DNAJB6: variants seen among roughly 807,000 people sequenced by gnomAD.
The protein encoded by DNAJB6 is DnaJ heat shock protein family (Hsp40) member B6, also known as dnaJ homolog subfamily B member 6.
A neutral mutation model predicts 42.7 loss-of-function variants in DNAJB6; 16 were observed. The observed-to-expected ratio is 0.37, with a 90% CI of 0.25 to 0.57. DNAJB6 has a LOEUF of 0.57. Ranked by LOEUF, DNAJB6 falls within the 20% of genes least tolerant of loss-of-function variation. The pLI is 0.74. For synonymous variants in DNAJB6, 170 were observed against 163.5 expected (o/e 1.04, Z -0.30); for missense variants, 347 against 416.8 (o/e 0.83, Z 1.46).
intron 5 of DNAJB6, chr7:157,380,209 G>A (rs1584922000): frequency 6.6e-6 from 1 of 152,158 alleles, no homozygotes; most frequent in African/African-American, 2.4e-5. Context: ...TCTTTACCTG[G>A]GAGGATATGT....
At chr7:157,382,163 C>G in intron 5 of DNAJB6, 83 bp from the exon 6 acceptor site, 6 of 1,440,832 alleles carry the variant, frequency 4.2e-6, no homozygotes, top group Non-Finnish European at 5.6e-6. Context: ...TTACAAACAT[C>G]TATTTTCTCT....
intron 2 of DNAJB6, among the ~76,000 whole-genome samples, chr7:157,361,842 C>T (rs1799617835): frequency 6.6e-6 from 1 of 152,216 alleles, no homozygotes; most frequent in South Asian, 2.1e-4. Flanking sequence ...GATGTTGGCT[C>T]ACTGCAACCT....
At chr7:157,352,471 T>A (rs1327854749) in intron 1 of DNAJB6, among the ~76,000 whole-genome samples, 1 of 151,896 alleles carries the variant, frequency 6.6e-6, no homozygotes, top group African/African-American at 2.4e-5. Context: ...TTCAGTTGAA[T>A]GTGGAATGAG....
chr7:157,357,056 T>C (rs941464028), intron 1 of DNAJB6, among the ~76,000 whole-genome samples: 3 of 150,726 alleles, frequency 2.0e-5, no homozygotes, highest in Non-Finnish European at 4.4e-5. Context: ...CCCAGCACTT[T>C]GGGAGGCTGA....
intron 8 of DNAJB6, among the ~76,000 whole-genome samples, chr7:157,394,729 G>T (rs964454448): frequency 1.3e-5 from 2 of 152,082 alleles, no homozygotes; most frequent in African/African-American, 2.4e-5. Flanking sequence ...GGATGGGTGC[G>T]ATTTCCCTCT....
rs115764364 is a variant in DNAJB6 at position 157,399,707 on chromosome 7, C to T, written c.692-10088C>T. On this transcript the variant is annotated intron_variant, in intron 8 of 9. Coordinates refer to ENST00000262177, the MANE Select transcript of DNAJB6 (RefSeq NM_058246.4). ...TTTTGGAGATGGAGTCTCGCCCTGT[C>T]GCCCAAGCTGGAGAGCAATGGCACA... is the stretch of plus-strand genomic sequence containing the variant. Among the ~76,000 whole-genome samples, 706 of 152,146 alleles carry T rather than the reference C, an allele frequency of 4.6e-3. 7 individuals are homozygous for T. Among genetic ancestry groups the T allele is most frequent in the African/African-American group, 0.016 (682 of 41,500 alleles).
chr7:157,374,507 C>T (rs1408260195), intron 5 of DNAJB6, among the ~76,000 whole-genome samples: 5 of 152,298 alleles, frequency 3.3e-5, no homozygotes, highest in East Asian at 3.9e-4. Context: ...GATCCACCCA[C>T]CTCGGCCACC....
intron 9 of DNAJB6, chr7:157,410,374 G>A (rs1795931087): frequency 5.0e-6 from 2 of 403,368 alleles, no homozygotes; most frequent in Non-Finnish European, 8.7e-6. Context: ...CGTGCTGGTG[G>A]GGTCTGCGTT....
chr7:157,404,614 G>A (rs529760722), intron 8 of DNAJB6, among the ~76,000 whole-genome samples: 39 of 151,206 alleles, frequency 2.6e-4, no homozygotes, highest in Admixed American at 9.9e-4. Context: ...AGGCTCAAGC[G>A]ATTCTTATGC....
intron 5 of DNAJB6, chr7:157,368,711 T>G (rs1233122351): frequency 1.3e-5 from 2 of 155,192 alleles, no homozygotes; most frequent in Non-Finnish European, 2.9e-5. Context: ...ACCTGAGAGG[T>G]CAGGATTAAA....
chr7:157,348,644 T>A (rs117053649), intron 1 of DNAJB6, among the ~76,000 whole-genome samples: 42 of 152,286 alleles, frequency 2.8e-4, no homozygotes, highest in African/African-American at 9.9e-4. Flanking sequence ...CCATCTCCCT[T>A]GTAGTTAGAA....
At chr7:157,393,427 T>C (rs969099616) in intron 8 of DNAJB6, among the ~76,000 whole-genome samples, 1 of 152,260 alleles carries the variant, frequency 6.6e-6, no homozygotes, top group African/African-American at 2.4e-5. Flanking sequence ...TACTGTGTGA[T>C]TATGTTTCTG....
intron 8 of DNAJB6, among the ~76,000 whole-genome samples, chr7:157,391,588 G>C (rs1801343746): frequency 6.6e-6 from 1 of 152,224 alleles, no homozygotes; most frequent in South Asian, 2.1e-4. Context: ...GGTCTATCTA[G>C]TGAGTGGCTG....
chr7:157,409,734 C>T (rs1203094292), intron 8 of DNAJB6, 61 bp from the exon 9 acceptor site: 23 of 1,463,188 alleles, frequency 1.6e-5, no homozygotes, highest in Non-Finnish European at 2.0e-5. Flanking sequence ...TCCCTCTGCT[C>T]TGGATGGGGG....
Position 157,409,789 on chromosome 7 carries a change from C to T in DNAJB6, c.692-6C>T, listed in dbSNP as rs1259833520. ...CACGGCTCTCTCTCTCCCGCTGTGC[C>T]TGCAGGTGTGGCCGACGACGATGCC... On this transcript the variant is annotated splice_region_variant and splice_polypyrimidine_tract_variant and intron_variant, in intron 8 of 9. Transcript: ENST00000262177. The T allele has an allele frequency of 3.3e-6, 5 of 1,524,630 alleles. No individual in the cohort carries two copies. In the Admixed American group the frequency reaches 9.9e-5, roughly 30 times the overall value. 94.4% of individuals were successfully genotyped at this position (1,524,630 alleles called of 1,614,324 possible). A position where few individuals can be genotyped will look rare whatever the true frequency, so the allele number is the denominator to read the frequency against.
chr7:157,370,327 CCTT>C (rs1563129340), intron 5 of DNAJB6, among the ~76,000 whole-genome samples: 2 of 151,966 alleles, frequency 1.3e-5, no homozygotes, highest in African/African-American at 2.4e-5. Context: ...TAAACGGGCC[CCTT>C]CTTAACATTA....
chr7:157,410,115 G>A (rs1347875069), intron 9 of DNAJB6, 114 bp downstream of exon 9: 4 of 1,419,518 alleles, frequency 2.8e-6, no homozygotes, highest in South Asian at 3.0e-5. Flanking sequence ...CTGAGCGGGC[G>A]TGGGCGGTCG....
intron 8 of DNAJB6, chr7:157,386,191 TTAAA>T: frequency 2.1e-6 from 2 of 973,472 alleles, no homozygotes; most frequent in Non-Finnish European, 2.4e-6. Flanking sequence ...TGACAATTGT[TTAAA>T]TATGTAATGT....
At chr7:157,344,349 C>CAA (rs940085123) in intron 1 of DNAJB6, among the ~76,000 whole-genome samples, 7 of 122,056 alleles carry the variant, frequency 5.7e-5, no homozygotes, top group East Asian at 4.5e-4. Context: ...GACTCCGTCT[C>CAA]AAAAAAAAAA....
Sources: gnomAD v4.1 joint callset for allele counts (sites outside exome capture counted in the v4.1 genomes callset) on GRCh38, gnomAD v4.1.1 for gene constraint, MANE v1.5 for transcripts, NCBI Gene and HGNC (gene_info 2026-07-23, HGNC 2026-07-21) for gene names.